Variants in HS3ST3A1 observed in about 807,000 individuals in gnomAD.
HS3ST3A1 encodes heparan sulfate glucosamine 3-O-sulfotransferase 3A1.
Under a neutral mutation model 25.7 loss-of-function variants are expected in HS3ST3A1, and 19 were observed. That is an observed-to-expected ratio of 0.74 (90% CI 0.52 to 1.08). The LOEUF (loss-of-function observed/expected upper bound fraction) is 1.08. Ranked by LOEUF, HS3ST3A1 falls within the 50% of genes least tolerant of loss-of-function variation. The pLI, the probability that HS3ST3A1 is intolerant of heterozygous loss-of-function variation, is 0.00. For missense variants in HS3ST3A1, 459 were observed against 594.3 expected (o/e 0.77, Z 2.37); for synonymous variants, 226 against 278.6 (o/e 0.81, Z 1.88).
At chr17:13,502,898 G>C (rs181216171) in intron 1 of HS3ST3A1, among the ~76,000 whole-genome samples, 2 of 150,604 alleles carry the variant, frequency 1.3e-5, no homozygotes, top group African/African-American at 4.9e-5. Context: ...AAAAAAAATA[G>C]GGCCAGGGGT....
intron 1 of HS3ST3A1, among the ~76,000 whole-genome samples, chr17:13,553,329 C>T (rs1907290741): frequency 6.6e-6 from 1 of 152,136 alleles, no homozygotes; most frequent in South Asian, 2.1e-4. Flanking sequence ...CATGACATAC[C>T]TTGTGTGAGA....
intron 1 of HS3ST3A1, among the ~76,000 whole-genome samples, chr17:13,535,657 T>C (rs1598418040): frequency 8.5e-6 from 1 of 117,614 alleles, no homozygotes; most frequent in Non-Finnish European, 1.7e-5. Flanking sequence ...TAAATGGATG[T>C]ATAAAAAAAA....
chr17:13,570,500 G>A (rs374121567), intron 1 of HS3ST3A1, among the ~76,000 whole-genome samples: 3 of 151,872 alleles, frequency 2.0e-5, no homozygotes, highest in South Asian at 2.1e-4. Flanking sequence ...TTTGTTTTTC[G>A]AGACAAACAA....
chr17:13,580,101 T>C (rs1387917348), intron 1 of HS3ST3A1, among the ~76,000 whole-genome samples: 1 of 152,180 alleles, frequency 6.6e-6, no homozygotes, highest in Non-Finnish European at 1.5e-5. Context: ...GGGCAGCATA[T>C]ACAGTCTGTT....
At chr17:13,584,434 A>T (rs1908193605) in intron 1 of HS3ST3A1, among the ~76,000 whole-genome samples, 1 of 150,418 alleles carries the variant, frequency 6.6e-6, no homozygotes, top group Non-Finnish European at 1.5e-5. Context: ...AAAAAAAAAA[A>T]AGAAGAAAGA....
At chr17:13,513,992 T>C (rs547060465) in intron 1 of HS3ST3A1, among the ~76,000 whole-genome samples, 1 of 152,272 alleles carries the variant, frequency 6.6e-6, no homozygotes, top group South Asian at 2.1e-4. Flanking sequence ...ATATTTAAAT[T>C]GCTTCTAGTA....
intron 1 of HS3ST3A1, among the ~76,000 whole-genome samples, chr17:13,588,428 T>C (rs1029806546): frequency 6.6e-6 from 1 of 152,200 alleles, no homozygotes; most frequent in Admixed American, 6.5e-5. Context: ...ATGTTCACAC[T>C]TAGTTTCTCA....
chr17:13,509,596 CAGAG>C (rs144751165), intron 1 of HS3ST3A1, among the ~76,000 whole-genome samples: 2,182 of 151,034 alleles, frequency 0.014, 47 homozygotes, highest in African/African-American at 0.05. Context: ...GAGAGAGAGA[CAGAG>C]AGAGATTGAT....
intron 1 of HS3ST3A1, among the ~76,000 whole-genome samples, chr17:13,519,150 AT>A (rs1162737347): frequency 3.3e-5 from 5 of 152,182 alleles, no homozygotes; most frequent in African/African-American, 1.2e-4. Flanking sequence ...AAGAAATTGA[AT>A]TGCTGTTTTT....
At chr17:13,506,895 A>G (rs140620953) in intron 1 of HS3ST3A1, among the ~76,000 whole-genome samples, 2,026 of 147,430 alleles carry the variant, frequency 0.014, 46 homozygotes, top group African/African-American at 0.048. Context: ...TGTCTCTACT[A>G]AAATACAAAA....
chr17:13,519,457 T>G (rs1041618066), intron 1 of HS3ST3A1, among the ~76,000 whole-genome samples: 2 of 152,166 alleles, frequency 1.3e-5, no homozygotes, highest in African/African-American at 4.8e-5. Flanking sequence ...ATGTCTATTT[T>G]GAAGAGGAAC....
chr17:13,595,558 T>C (rs993996678), intron 1 of HS3ST3A1, among the ~76,000 whole-genome samples: 10 of 152,170 alleles, frequency 6.6e-5, no homozygotes, highest in African/African-American at 2.4e-4. Context: ...TTCCTCTGAT[T>C]ACATATTAGA....
At chr17:13,514,955 A>G (rs1906003582) in intron 1 of HS3ST3A1, among the ~76,000 whole-genome samples, 1 of 152,238 alleles carries the variant, frequency 6.6e-6, no homozygotes, top group Admixed American at 6.5e-5. Context: ...ATTTTCCTAG[A>G]TTAATGAACT....
chr17:13,514,286 T>C (rs1905982887), intron 1 of HS3ST3A1, among the ~76,000 whole-genome samples: 1 of 152,104 alleles, frequency 6.6e-6, no homozygotes, highest in South Asian at 2.1e-4. Context: ...TCAATGTTTT[T>C]CTTTATGACT....
At chr17:13,593,233 C>CAAAAAAA (rs5819419) in intron 1 of HS3ST3A1, among the ~76,000 whole-genome samples, 5 of 103,164 alleles carry the variant, frequency 4.8e-5, no homozygotes, top group African/African-American at 1.1e-4. Context: ...TGTTTGTAGC[C>CAAAAAAA]AAAAAAAAAA....
chr17:13,590,535 C>T (rs188740822), intron 1 of HS3ST3A1, among the ~76,000 whole-genome samples: 4 of 152,238 alleles, frequency 2.6e-5, no homozygotes, highest in African/African-American at 7.2e-5. Flanking sequence ...TCTTCCTATT[C>T]GGAAGACAAT....
chr17:13,522,292 A>G (rs906385361), intron 1 of HS3ST3A1, among the ~76,000 whole-genome samples: 6 of 151,074 alleles, frequency 4.0e-5, no homozygotes, highest in African/African-American at 1.2e-4. Flanking sequence ...CCTATTATTT[A>G]TCTGTGCTAT....
chr17:13,518,498 C>T (rs1023701456), intron 1 of HS3ST3A1, among the ~76,000 whole-genome samples: 5 of 152,164 alleles, frequency 3.3e-5, no homozygotes, highest in Admixed American at 6.5e-5. Context: ...AGTGTGTTGA[C>T]GGGTCCAATT....
intron 1 of HS3ST3A1, among the ~76,000 whole-genome samples, chr17:13,502,780 T>G (rs1023059010): frequency 2.0e-5 from 3 of 151,812 alleles, no homozygotes; most frequent in Admixed American, 6.6e-5. Context: ...GATACAAATA[T>G]AAGTGGTGAA....
Sources: allele counts gnomAD v4.1 joint callset (sites outside exome capture counted in the v4.1 genomes callset), GRCh38; gene constraint gnomAD v4.1.1; transcripts MANE v1.5; gene names NCBI Gene and HGNC (gene_info 2026-07-23, HGNC 2026-07-21).